Variants in PTER observed in about 807,000 individuals in gnomAD.
PTER encodes N-acetyltaurine hydrolase.
PTER carries 38 observed loss-of-function variants against 29.6 expected under a neutral mutation model. The observed-to-expected ratio is 1.28, with a 90% CI of 0.99 to 1.68. The LOEUF (loss-of-function observed/expected upper bound fraction) is 1.68. Ranked by LOEUF, PTER falls within the 40% of genes most tolerant of loss-of-function variation. The pLI, the probability that PTER is intolerant of heterozygous loss-of-function variation, is 0.00. For synonymous variants in PTER, 172 were observed against 154.5 expected (o/e 1.11, Z -0.84); for missense variants, 482 against 427.8 (o/e 1.13, Z -1.12).
At position 16,448,997 on chromosome 10, in the gene PTER, A is replaced by G. The variant is rs149177788; in HGVS notation, c.-49+11950A>G. ...GAGTCACCACTTGGTTAAGCTTACA[A>G]TAATCCACTGTCATTCTCTAAGATC... On this transcript the variant is annotated intron_variant, in intron 1 of 4. Coordinates refer to ENST00000535784, the MANE Select transcript of PTER (RefSeq NM_001261836.2). 9.6e-4 allele frequency among the ~76,000 whole-genome samples: 147 copies of G among 152,356 alleles called. 4 individuals are homozygous for G. The East Asian group carries it at 0.027, about 28-fold the overall frequency.
At chr10:16,511,003 A>G (rs1326356771) in intron 4 of PTER, 43 bp from the exon 5 acceptor site, 1 of 1,554,936 alleles carries the variant, frequency 6.4e-7, no homozygotes, top group Non-Finnish European at 8.8e-7. Context: ...GAAAAGCGAA[A>G]ATGAAAGACA....
chr10:16,467,584 G>A (rs777961940), intron 1 of PTER, among the ~76,000 whole-genome samples: 1 of 152,164 alleles, frequency 6.6e-6, no homozygotes, highest in African/African-American at 2.4e-5. Flanking sequence ...GGTTGAGGTG[G>A]GTGGATCACC....
intron 1 of PTER, among the ~76,000 whole-genome samples, chr10:16,482,730 A>G (rs1441354941): frequency 1.3e-5 from 2 of 152,160 alleles, no homozygotes; most frequent in African/African-American, 4.8e-5. Flanking sequence ...GTTTGTCCTC[A>G]CTATTTTCAG....
chr10:16,480,733 A>C (rs1324069171), intron 1 of PTER, among the ~76,000 whole-genome samples: 3 of 152,238 alleles, frequency 2.0e-5, no homozygotes, highest in African/African-American at 7.2e-5. Flanking sequence ...AATCATCTTA[A>C]GTATAATGGC....
intron 1 of PTER, among the ~76,000 whole-genome samples, chr10:16,461,753 A>G (rs1039575554): frequency 1.2e-4 from 19 of 152,046 alleles, no homozygotes; most frequent in African/African-American, 4.6e-4. Flanking sequence ...CAAAATTTTG[A>G]TTTTGTCTTT....
intron 3 of PTER, among the ~76,000 whole-genome samples, chr10:16,487,344 A>G (rs1489310962): frequency 1.3e-5 from 2 of 152,142 alleles, no homozygotes; most frequent in East Asian, 3.8e-4. Context: ...ATAGCCTCAG[A>G]TCCAGCTGTT....
chr10:16,471,040 G>A (rs1588603946), intron 1 of PTER, among the ~76,000 whole-genome samples: 1 of 152,214 alleles, frequency 6.6e-6, no homozygotes, highest in Non-Finnish European at 1.5e-5. Flanking sequence ...AATTATTCAG[G>A]CCATGGAGCT....
At chr10:16,514,692 T>C (rs1008332125), downstream of PTER, 2 of 1,613,390 alleles carry the variant, frequency 1.2e-6, no homozygotes, top group African/African-American at 2.7e-5. Context: ...TCTTGGGCAA[T>C]TGCACTAGCA....
rs773859804 is a variant in PTER, at chr10:16,504,511, G to A, written c.699-509G>A. On this transcript the variant is annotated intron_variant, in intron 3 of 4. Transcript: ENST00000535784. ...TTTAAAGGCTTTAGAATTAATTTTAGAACCACTTTACAATCTTCACAAGAA... is the reference window on the plus strand; with the variant it reads ...TTTAAAGGCTTTAGAATTAATTTTAAAACCACTTTACAATCTTCACAAGAA... Among the ~76,000 whole-genome samples the A allele has an allele frequency of 1.6e-3, 236 of 152,088 alleles. 1 individual carries two copies. The highest frequency in any genetic ancestry group is 4.7e-4 in the Non-Finnish European group (32 of 68,014).
At chr10:16,457,341 T>G (rs1253518948) in intron 1 of PTER, among the ~76,000 whole-genome samples, 1 of 150,398 alleles carries the variant, frequency 6.6e-6, no homozygotes, top group Non-Finnish European at 1.5e-5. Flanking sequence ...GCCTCCCGAG[T>G]AGCTGGGACT....
chr10:16,466,559 T>A (rs891703647), intron 1 of PTER, among the ~76,000 whole-genome samples: 4 of 152,224 alleles, frequency 2.6e-5, no homozygotes, highest in Non-Finnish European at 4.4e-5. Flanking sequence ...TCTTGCCATG[T>A]TGGCCAGGCT....
chr10:16,440,222 C>T (rs565628398), intron 1 of PTER, among the ~76,000 whole-genome samples: 3 of 152,044 alleles, frequency 2.0e-5, no homozygotes, highest in East Asian at 1.9e-4. Flanking sequence ...TGCACCACCA[C>T]GCCCAGCTAA....
At chr10:16,462,526 T>G (rs963815715) in intron 1 of PTER, among the ~76,000 whole-genome samples, 1 of 151,968 alleles carries the variant, frequency 6.6e-6, no homozygotes. Flanking sequence ...GTCTTTGCAA[T>G]TTTTCCAGCC....
intron 3 of PTER, among the ~76,000 whole-genome samples, chr10:16,504,045 C>T (rs954713048): frequency 2.0e-5 from 3 of 152,076 alleles, no homozygotes; most frequent in Non-Finnish European, 4.4e-5. Flanking sequence ...TCCCTTCATG[C>T]AATGTCTTCC....
chr10:16,455,887 T>C (rs1225024117), intron 1 of PTER, among the ~76,000 whole-genome samples: 1 of 152,266 alleles, frequency 6.6e-6, no homozygotes, highest in African/African-American at 2.4e-5. Flanking sequence ...AAAGTAACTT[T>C]GAGCACTTAG....
intron 1 of PTER, among the ~76,000 whole-genome samples, chr10:16,470,611 T>G (rs544279083): frequency 1.5e-4 from 23 of 152,142 alleles, no homozygotes; most frequent in African/African-American, 4.8e-4. Flanking sequence ...CTACTAAAAA[T>G]ACAAAACTTA....
chr10:16,506,575 C>T (rs887687076), intron 4 of PTER, among the ~76,000 whole-genome samples: 1 of 152,034 alleles, frequency 6.6e-6, no homozygotes, highest in Non-Finnish European at 1.5e-5. Flanking sequence ...GTTCCTAAGG[C>T]AACAAATAGA....
chr10:16,458,750 T>A (rs1436569838), intron 1 of PTER, among the ~76,000 whole-genome samples: 1 of 152,162 alleles, frequency 6.6e-6, no homozygotes, highest in East Asian at 1.9e-4. Context: ...AAGCTGCTTC[T>A]CCAGATTTGC....
At chr10:16,496,192 C>G (rs576572055) in intron 3 of PTER, among the ~76,000 whole-genome samples, 1 of 152,332 alleles carries the variant, frequency 6.6e-6, no homozygotes, top group Non-Finnish European at 1.5e-5. Context: ...TCTCCAAACA[C>G]AAATCCCTCC....
Sources: allele counts gnomAD v4.1 joint callset (sites outside exome capture counted in the v4.1 genomes callset), GRCh38; gene constraint gnomAD v4.1.1; transcripts MANE v1.5; gene names NCBI Gene and HGNC (gene_info 2026-07-23, HGNC 2026-07-21).